Variants in TDRD12 observed in about 807,000 individuals in gnomAD.
TDRD12 encodes the protein putative ATP-dependent RNA helicase TDRD12.
Under a neutral mutation model 133.5 loss-of-function variants are expected in TDRD12, and 158 were observed. That is an observed-to-expected ratio of 1.18 (90% CI 1.04 to 1.35). TDRD12 has a LOEUF of 1.35. TDRD12 is among the 40% of genes most tolerant of loss of function. The pLI is 0.00. For missense variants in TDRD12, 1,443 were observed against 1,321.3 expected, an observed-to-expected ratio of 1.09 and a Z score of -1.43; for synonymous variants, 460 against 477.9, an observed-to-expected ratio of 0.96 and a Z score of 0.49.
Position 32,754,727 on chromosome 19 carries a change from A to C in TDRD12, c.583-1265A>C, listed in dbSNP as rs187011731. 1.3e-3 allele frequency among the ~76,000 whole-genome samples: 160 copies of C among 126,506 alleles called. 3 individuals carry two copies. In the East Asian group the frequency reaches 0.035, roughly 27 times the overall value. The allele number at this position is 126,506 out of a possible 152,430, so 83.0% of individuals were successfully genotyped here. On this transcript the variant is annotated intron_variant, in intron 6 of 27. Transcript: ENST00000444215. ...GTTTCGCTCTTGTTGCCCAGGCTAG[A>C]GTGCAATGGCGCAATCTTGGCTCAC...
intron 11 of TDRD12, among the ~76,000 whole-genome samples, chr19:32,779,536 G>A (rs1168186732): frequency 6.6e-6 from 1 of 152,070 alleles, no homozygotes; most frequent in Non-Finnish European, 1.5e-5. Flanking sequence ...AGGAAGTGGC[G>A]GGGCCCACAC....
At chr19:32,756,375 A>C (rs1458981650) in intron 7 of TDRD12, among the ~76,000 whole-genome samples, 194 bp downstream of exon 7, 2 of 151,472 alleles carry the variant, frequency 1.3e-5, no homozygotes, top group Non-Finnish European at 2.9e-5. Context: ...AGACCAGGAA[A>C]AAAACTGCCC....
intron 16 of TDRD12, among the ~76,000 whole-genome samples, chr19:32,799,213 T>C (rs1200865684): frequency 6.6e-6 from 1 of 150,738 alleles, no homozygotes; most frequent in Admixed American, 6.6e-5. Flanking sequence ...GAGTCCAGGC[T>C]TTGTTACTGA....
At chr19:32,756,171 A>G (rs2145546233) in exon 7 of TDRD12, 1 of 1,423,030 alleles carries the variant, frequency 7.0e-7, no homozygotes, top group Non-Finnish European at 9.2e-7. Context: ...AAGATGTTCA[A>G]GGAATGGAAG....
At chr19:32,737,150 G>T (rs146473140) in intron 2 of TDRD12, among the ~76,000 whole-genome samples, 2 of 152,152 alleles carry the variant, frequency 1.3e-5, no homozygotes, top group Admixed American at 6.5e-5. Context: ...GTTGAAAATT[G>T]TAAGTTAAAC....
At chr19:32,763,553 GA>G (rs1970210198) in intron 8 of TDRD12, among the ~76,000 whole-genome samples, 1 of 152,206 alleles carries the variant, frequency 6.6e-6, no homozygotes, top group Non-Finnish European at 1.5e-5. Context: ...AGTTTCTCCT[GA>G]GGTCAGGCCC....
chr19:32,790,086 A>G (rs1391539616), intron 11 of TDRD12, among the ~76,000 whole-genome samples: 3 of 152,116 alleles, frequency 2.0e-5, no homozygotes. Flanking sequence ...GTAACCCACC[A>G]TCTTTATCCT....
At chr19:32,773,969 A>G (rs1022970593) in intron 10 of TDRD12, among the ~76,000 whole-genome samples, 1 of 152,170 alleles carries the variant, frequency 6.6e-6, no homozygotes, top group African/African-American at 2.4e-5. Flanking sequence ...GAAGATTGGC[A>G]CAGAGTGGTC....
chr19:32,788,942 G>C (rs1048510151), intron 11 of TDRD12, among the ~76,000 whole-genome samples: 6 of 152,220 alleles, frequency 3.9e-5, no homozygotes, highest in Non-Finnish European at 8.8e-5. Context: ...TCACTGTCCT[G>C]TGTGTGCTTA....
chr19:32,722,293 T>C (rs12983541), intron 1 of TDRD12, among the ~76,000 whole-genome samples: 89,172 of 151,968 alleles, frequency 0.59, 27,056 homozygotes, highest in East Asian at 0.82. Flanking sequence ...AGAACTTTGA[T>C]AGCAGGAGCT....
chr19:32,794,051 C>T (rs947285783), intron 13 of TDRD12, among the ~76,000 whole-genome samples: 4 of 145,924 alleles, frequency 2.7e-5, no homozygotes, highest in African/African-American at 7.7e-5. Context: ...GCCTTGACCT[C>T]CTAAAGTGCA....
intron 21 of TDRD12, among the ~76,000 whole-genome samples, chr19:32,804,669 G>A (rs560815964): frequency 1.3e-5 from 2 of 148,270 alleles, no homozygotes; most frequent in African/African-American, 5.0e-5. Flanking sequence ...CTCCAGCCTG[G>A]AGACACAGCA....
intron 6 of TDRD12, among the ~76,000 whole-genome samples, chr19:32,755,674 G>T (rs1019324572): frequency 6.6e-6 from 1 of 152,224 alleles, no homozygotes; most frequent in Non-Finnish European, 1.5e-5. Flanking sequence ...CAATGTAACA[G>T]TCTTTCCTTT....
intron 4 of TDRD12, among the ~76,000 whole-genome samples, chr19:32,744,597 C>T (rs1315811151): frequency 1.3e-5 from 2 of 151,822 alleles, no homozygotes; most frequent in African/African-American, 4.8e-5. Context: ...GCCCCGCACC[C>T]CATCTTTGCT....
At chr19:32,737,555 G>T (rs1292883921) in intron 2 of TDRD12, among the ~76,000 whole-genome samples, 1 of 150,180 alleles carries the variant, frequency 6.7e-6, no homozygotes, top group Non-Finnish European at 1.5e-5. Flanking sequence ...TTTGAGACAG[G>T]GTCTCACTGT....
At chr19:32,727,384 G>A (rs1968894994) in intron 1 of TDRD12, among the ~76,000 whole-genome samples, 1 of 152,126 alleles carries the variant, frequency 6.6e-6, no homozygotes, top group African/African-American at 2.4e-5. Context: ...TGAGATATAA[G>A]CCTTGCAAAT....
intron 4 of TDRD12, 129 bp downstream of exon 4, chr19:32,743,029 C>T: frequency 8.5e-7 from 1 of 1,171,028 alleles, no homozygotes. Context: ...GGAGGGGCTT[C>T]TGAGTCAGTG....
At chr19:32,773,876 A>G (rs1001182681) in intron 10 of TDRD12, among the ~76,000 whole-genome samples, 1 of 152,232 alleles carries the variant, frequency 6.6e-6, no homozygotes, top group African/African-American at 2.4e-5. Context: ...GTTGGCAGCA[A>G]AGTTGACTGA....
At chr19:32,819,258 A>C (rs999582119) in intron 27 of TDRD12, among the ~76,000 whole-genome samples, 3 of 151,420 alleles carry the variant, frequency 2.0e-5, no homozygotes, top group Non-Finnish European at 4.4e-5. Flanking sequence ...TTTAGGCTGC[A>C]GTGAGCTGTG....
Sources: allele counts gnomAD v4.1 joint callset (sites outside exome capture counted in the v4.1 genomes callset), GRCh38; gene constraint gnomAD v4.1.1; transcripts MANE v1.5; gene names NCBI Gene and HGNC (gene_info 2026-07-23, HGNC 2026-07-21).